Variants in COL6A6 observed in about 807,000 individuals in gnomAD.
COL6A6 encodes the protein collagen alpha-6(VI) chain.
In COL6A6, 183 loss-of-function variants were observed where a neutral mutation model predicts 208.6. The observed-to-expected ratio is 0.88, with a 90% CI of 0.78 to 0.99. The LOEUF (loss-of-function observed/expected upper bound fraction) is 0.99, where lower values mean the gene tolerates loss of function less well. Ranked by LOEUF, COL6A6 falls within the 50% of genes least tolerant of loss-of-function variation. The probability of loss-of-function intolerance (pLI) is 0.00; values close to 1 mark genes in which losing one functional copy is unlikely to be tolerated. For missense variants in COL6A6, 2,816 were observed against 2,815.2 expected, an observed-to-expected ratio of 1.00 and a Z score of -0.01; for synonymous variants, 973 against 1,011.8, an observed-to-expected ratio of 0.96 and a Z score of 0.73.
At chr3:130,669,068 TTGTC>T (rs1301729230) in intron 36 of COL6A6, among the ~76,000 whole-genome samples, 1 of 152,222 alleles carries the variant, frequency 6.6e-6, no homozygotes, top group African/African-American at 2.4e-5. Context: ...ACAATCCACA[TTGTC>T]TGACCACAAT....
intron 21 of COL6A6, 139 bp from the exon 22 acceptor site, chr3:130,608,763 C>CTTTTTTTTTTTTTTT (rs752049202): frequency 3.2e-6 from 1 of 310,016 alleles, no homozygotes; most frequent in Non-Finnish European, 5.4e-6. Flanking sequence ...TATTTTTCAC[C>CTTTTTTTTTTTTTTT]TTTTTTTTTT....
At chr3:130,535,459 T>G (rs964529316) in intron 1 of COL6A6, among the ~76,000 whole-genome samples, 7 of 152,188 alleles carry the variant, frequency 4.6e-5, no homozygotes, top group African/African-American at 1.7e-4. Flanking sequence ...TTTTGCAGTG[T>G]CTTTTGAATT....
At position 130,570,759 on chromosome 3, in the gene COL6A6, C is replaced by T. The variant is rs375539773; in HGVS notation, c.2402-59C>T. On this transcript the variant is annotated intron_variant, in intron 6 of 36. Transcript: ENST00000358511. ...CTAGCAATTTATAAAAAGGTTGAGG[C>T]GTCTCCCATGCTGTCCAAAGCTAAT... The T allele has an allele frequency of 1.0e-4, 132 of 1,289,490 alleles. 1 individual carries two copies. The highest frequency in any genetic ancestry group is 1.9e-4 in the African/African-American group (13 of 67,046). 79.9% of individuals were successfully genotyped at this position (1,289,490 alleles called of 1,614,324 possible). A position where few individuals can be genotyped will look rare whatever the true frequency, so the allele number is the denominator to read the frequency against.
At chr3:130,553,578 A>G (rs2062696725) in intron 1 of COL6A6, among the ~76,000 whole-genome samples, 1 of 150,440 alleles carries the variant, frequency 6.6e-6, no homozygotes, top group African/African-American at 2.4e-5. Context: ...GAATCCTTGG[A>G]TTTGATTTTG....
chr3:130,652,267 T>C (rs2065667099), intron 33 of COL6A6, among the ~76,000 whole-genome samples: 1 of 152,236 alleles, frequency 6.6e-6, no homozygotes, highest in Non-Finnish European at 1.5e-5. Flanking sequence ...ATGTGTGAGA[T>C]GCCTAATGCT....
chr3:130,608,763 CTTTTTTTTTTTTTTTTTTT>C, intron 21 of COL6A6, 120 bp from the exon 22 acceptor site: 1 of 308,646 alleles, frequency 3.2e-6, no homozygotes, highest in Non-Finnish European at 5.4e-6. Flanking sequence ...TATTTTTCAC[CTTTTTTTTTTTTTTTTTTT>C]TTTTTTTTGC....
intron 35 of COL6A6, among the ~76,000 whole-genome samples, chr3:130,663,926 C>G (rs1482456332): frequency 6.6e-6 from 1 of 152,140 alleles, no homozygotes; most frequent in Non-Finnish European, 1.5e-5. Context: ...TAATCATGTT[C>G]AAGTCTACAT....
In COL6A6 at chr3:130,580,969, A is replaced by G. The variant is rs147097886; in HGVS notation, c.3548-592A>G. On this transcript the variant is annotated intron_variant, in intron 8 of 36. Transcript: ENST00000358511. ...TTTCTTCATTTGTCAGACTTACACC[A>G]AGCAAGATCTCAAAGGATCTCCTGA... Among the ~76,000 whole-genome samples the G allele has an allele frequency of 2.4e-3, 364 of 151,760 alleles. 1 individual carries two copies. Among genetic ancestry groups the G allele is most frequent in the Admixed American group, 5.4e-3 (82 of 15,264 alleles).
chr3:130,607,727 G>A lies in COL6A6; in HGVS notation c.4689+761G>A, dbSNP rs898143338. Among the ~76,000 whole-genome samples the A allele has an allele frequency of 1.1e-4, 17 of 152,204 alleles. No individual in the cohort carries two copies. In the South Asian group the frequency reaches 1.5e-3, roughly 13 times the overall value. On this transcript the variant is annotated intron_variant, in intron 21 of 36. Transcript: ENST00000358511. ...CTGAAGGTACAGTGGAAAAATAATC[G>A]TTAACTTAGAATTTTATACCTAGCT...
intron 1 of COL6A6, among the ~76,000 whole-genome samples, chr3:130,528,828 C>A (rs145993224): frequency 0.018 from 2,681 of 152,270 alleles, 74 homozygotes; most frequent in East Asian, 0.071. Context: ...CAGTGGCTCA[C>A]GCCTGTAATC....
chr3:130,582,972 C>T (rs1272420966), intron 10 of COL6A6, among the ~76,000 whole-genome samples: 1 of 152,176 alleles, frequency 6.6e-6, no homozygotes, highest in Non-Finnish European at 1.5e-5. Flanking sequence ...AGCTAGACTC[C>T]AGCTGCAACA....
chr3:130,613,681 T>C (rs1029036707), intron 23 of COL6A6, among the ~76,000 whole-genome samples: 1 of 152,206 alleles, frequency 6.6e-6, no homozygotes, highest in African/African-American at 2.4e-5. Context: ...ATCTCTGCTT[T>C]CTTTGAGCAG....
At chr3:130,532,645 G>C (rs112992894) in intron 1 of COL6A6, among the ~76,000 whole-genome samples, 1 of 152,186 alleles carries the variant, frequency 6.6e-6, no homozygotes, top group South Asian at 2.1e-4. Context: ...GTGCTTCAAG[G>C]AATTAAAACT....
At position 130,649,145 on chromosome 3, in the gene COL6A6, AT is replaced by A; in HGVS notation, c.5319del (p.Phe1773LeufsTer4). ...DHSRDVTEQE[F>X]ERMKEMMAFL... ...ACTCCCGGGATGTCACTGAGCAGGA[AT>A]TTGAGCGGATGAAGGAGATGATGGC... On this transcript the variant is annotated frameshift_variant, in exon 33 of 37. Transcript: ENST00000358511. LOFTEE classifies it high-confidence loss of function. 6.3e-7 allele frequency: 1 copy of A among 1,590,276 alleles called. No homozygotes were observed. The highest frequency in any genetic ancestry group is 8.6e-7 in the Non-Finnish European group (1 of 1,167,838).
chr3:130,588,434 T>C (rs1266299193), intron 11 of COL6A6, among the ~76,000 whole-genome samples: 1 of 152,232 alleles, frequency 6.6e-6, no homozygotes, highest in Non-Finnish European at 1.5e-5. Flanking sequence ...AAGTCCAGGA[T>C]GACATTTATT....
At position 130,675,381 on chromosome 3, in the gene COL6A6, C is replaced by T. The variant is rs2066334214; in HGVS notation, c.6776C>T (p.Pro2259Leu). The change falls in exon 37 of 37, where the codon CCC (proline) becomes CTC (leucine). Residue 2259 changes from proline to leucine, a missense_variant. By Grantham distance (98) the Pro-to-Leu change is moderately conservative. Coordinates refer to ENST00000358511, the MANE Select transcript of COL6A6 (RefSeq NM_001102608.3). ...AATGGAAGGATGATAGAAAGTGCTC[C>T]CAAACAACATGATTAAAAAAATGCT... ...FKNGRMIESA[P>L]KQHD 2 of 1,580,524 alleles carry T rather than the reference C, an allele frequency of 1.3e-6. No individual in the cohort carries two copies. Among genetic ancestry groups the T allele is most frequent in the Non-Finnish European group, 1.7e-6 (2 of 1,164,566 alleles).
At chr3:130,622,926 G>A (rs1249084451) in intron 24 of COL6A6, among the ~76,000 whole-genome samples, 1 of 151,856 alleles carries the variant, frequency 6.6e-6, no homozygotes, top group Admixed American at 6.6e-5. Flanking sequence ...AGAAGGGAAT[G>A]GGGGGACTGT....
intron 1 of COL6A6, among the ~76,000 whole-genome samples, chr3:130,544,482 A>G (rs1049284585): frequency 1.3e-5 from 2 of 152,220 alleles, no homozygotes. Flanking sequence ...ACAGTGTTGC[A>G]ATGAACAAAG....
chr3:130,641,607 TAC>T, intron 28 of COL6A6, 43 bp from the exon 29 acceptor site: 1 of 975,764 alleles, frequency 1.0e-6, no homozygotes. Flanking sequence ...CACACACACA[TAC>T]ATATATGTAT....
Sources: gnomAD v4.1 joint callset for allele counts (sites outside exome capture counted in the v4.1 genomes callset) on GRCh38, gnomAD v4.1.1 for gene constraint, MANE v1.5 for transcripts, NCBI Gene and HGNC (gene_info 2026-07-23, HGNC 2026-07-21) for gene names.